SLC7A6: variants seen among roughly 807,000 people sequenced by gnomAD.
SLC7A6 encodes the protein Y+L amino acid transporter 2.
A neutral mutation model predicts 46.6 loss-of-function variants in SLC7A6; 29 were observed. The ratio of observed to expected loss-of-function variants is 0.62; its 90% CI spans 0.46 to 0.85. The LOEUF is 0.85. SLC7A6 is among the 40% of genes least tolerant of loss of function. The pLI is 0.00. For missense variants in SLC7A6, 527 were observed against 647.6 expected, an observed-to-expected ratio of 0.81 and a Z score of 2.02; for synonymous variants, 276 against 257.3, an observed-to-expected ratio of 1.07 and a Z score of -0.70.
At chr16:68,275,278 T>C (rs756480078) in intron 3 of SLC7A6, 29 bp downstream of exon 3, 1 of 1,388,600 alleles carries the variant, frequency 7.2e-7, no homozygotes, top group Non-Finnish European at 9.9e-7. Context: ...TGGGAGGATG[T>C]TGGGGGGTGG....
rs2043043193 is a variant in SLC7A6, at chr16:68,291,195, ACTTGTCCT to A, written c.795-13_795-6del. The A allele has an allele frequency of 6.2e-7, 1 of 1,614,016 alleles. No individual in the cohort carries two copies. Among genetic ancestry groups the A allele is most frequent in the Non-Finnish European group, 8.5e-7 (1 of 1,180,012 alleles). On this transcript the variant is annotated splice_polypyrimidine_tract_variant and splice_region_variant and intron_variant, in intron 5 of 10. Transcript: ENST00000219343. Reference sequence around the variant, plus strand: ...GGTTGGTTCTAGGTAGTCCTTTCTCACTTGTCCTGACAGAAATTTGCCCTTGGCCATTG... The same window carrying A: ...GGTTGGTTCTAGGTAGTCCTTTCTCAGACAGAAATTTGCCCTTGGCCATTG...
rs2043278579 is a variant in SLC7A6 at position 68,301,658 on chromosome 16, T to TC, written c.*4332dup. ...GTGGAGTATTTTGTCACTTCTCCCC[T>TC]CCGTATAGGATTTTTTGTTGTTGTA... On this transcript the variant is annotated 3_prime_UTR_variant, in exon 11 of 11. Transcript: ENST00000219343. 3.2e-6 allele frequency: 1 copy of TC among 309,776 alleles called. No individual in the cohort carries two copies. The highest frequency in any genetic ancestry group is 2.2e-5 in the African/African-American group (1 of 46,234). 19.2% of individuals were successfully genotyped at this position (309,776 alleles called of 1,614,324 possible).
Position 68,300,988 on chromosome 16 carries a change from C to T in SLC7A6, c.*3660C>T. The T allele has an allele frequency of 9.5e-7, 1 of 1,050,748 alleles. No homozygotes were observed. Among genetic ancestry groups the T allele is most frequent in the Non-Finnish European group, 1.1e-6 (1 of 872,956 alleles). The allele number at this position is 1,050,748 out of a possible 1,614,324, so 65.1% of individuals were successfully genotyped here. A position where few individuals can be genotyped will look rare whatever the true frequency, so the allele number is the denominator to read the frequency against. ...CTGAATGCCAGGAAAAATTCCTGGG[C>T]CAAGAAGCTAAAGCTAAAGAAACCT... is the stretch of plus-strand genomic sequence containing the variant. On this transcript the variant is annotated 3_prime_UTR_variant, in exon 11 of 11. Transcript: ENST00000219343.
Position 68,287,870 on chromosome 16 carries a change from G to A in SLC7A6, c.648G>A (p.Gln216=), listed in dbSNP as rs948843847. 1.9e-6 allele frequency: 3 copies of A among 1,613,678 alleles called. No individual in the cohort carries two copies. Among genetic ancestry groups the A allele is most frequent in the Non-Finnish European group, 2.5e-6 (3 of 1,179,698 alleles). The change falls in exon 4 of 11, where the codon CAG becomes CAA. Residue 216 remains glutamine, a splice_region_variant and synonymous_variant. Coordinates refer to ENST00000219343, the MANE Select transcript of SLC7A6 (RefSeq NM_003983.6). ...TCATGGGCCTTGTTAAACTGTGCCA[G>A]GGTAAGTGGTGGGAAGGGGGGTACC... ...IIVMGLVKLC[Q]GHSEHFQDAF...
intron 3 of SLC7A6, among the ~76,000 whole-genome samples, chr16:68,282,169 C>G (rs979680739): frequency 6.6e-6 from 1 of 152,136 alleles, no homozygotes; most frequent in Admixed American, 6.5e-5. Flanking sequence ...GAGAGTGATA[C>G]GGGGCTAGGG....
chr16:68,286,172 C>T (rs2042928560), intron 3 of SLC7A6, among the ~76,000 whole-genome samples: 2 of 150,622 alleles, frequency 1.3e-5, no homozygotes, highest in African/African-American at 2.4e-5. Flanking sequence ...AATTTGTGAT[C>T]TTGGGAGAAG....
chr16:68,282,037 T>C (rs1674094556), intron 3 of SLC7A6, among the ~76,000 whole-genome samples: 1 of 152,212 alleles, frequency 6.6e-6, no homozygotes, highest in African/African-American at 2.4e-5. Flanking sequence ...GTATGATCCC[T>C]GAGTATCCAT....
intron 7 of SLC7A6, among the ~76,000 whole-genome samples, chr16:68,293,703 G>T (rs529922175): frequency 6.6e-6 from 1 of 152,256 alleles, no homozygotes; most frequent in South Asian, 2.1e-4. Context: ...AAGAGGCCAC[G>T]CTCTTTCATA....
At chr16:68,286,144 C>T (rs990294413) in intron 3 of SLC7A6, among the ~76,000 whole-genome samples, 1 of 145,800 alleles carries the variant, frequency 6.9e-6, no homozygotes, top group East Asian at 2.1e-4. Flanking sequence ...AAATGATATA[C>T]TGCTGTTACC....
intron 3 of SLC7A6, among the ~76,000 whole-genome samples, chr16:68,284,007 T>A (rs556998987): frequency 6.6e-6 from 1 of 152,208 alleles, no homozygotes; most frequent in East Asian, 1.9e-4. Context: ...CTTGACAGAC[T>A]GTTCTAGGAG....
chr16:68,271,672 C>A (rs559831364), intron 2 of SLC7A6, among the ~76,000 whole-genome samples: 3 of 152,288 alleles, frequency 2.0e-5, no homozygotes, highest in Non-Finnish European at 4.4e-5. Context: ...GCCAAGCCAG[C>A]CTGGGACTTA....
intron 3 of SLC7A6, among the ~76,000 whole-genome samples, chr16:68,278,748 C>T (rs1433596743): frequency 6.6e-6 from 1 of 152,250 alleles, no homozygotes; most frequent in Non-Finnish European, 1.5e-5. Flanking sequence ...ATTTCGCTAT[C>T]TTTTCCCCAC....
At position 68,301,544 on chromosome 16, in the gene SLC7A6, G is replaced by A. The variant is rs766006182; in HGVS notation, c.*4216G>A. 9.4e-6 allele frequency: 6 copies of A among 635,024 alleles called. No homozygotes were observed. Among genetic ancestry groups the A allele is most frequent in the African/African-American group, 1.9e-5 (1 of 52,574 alleles). 39.3% of individuals were successfully genotyped at this position (635,024 alleles called of 1,614,324 possible). A position where few individuals can be genotyped will look rare whatever the true frequency, so the allele number is the denominator to read the frequency against. ...TGCTCAATAAATAAAAAAGAATATA[G>A]AATTCTTTTTTTTTTAAAGAAGGAA... On this transcript the variant is annotated 3_prime_UTR_variant, in exon 11 of 11. Coordinates refer to ENST00000219343, the MANE Select transcript of SLC7A6 (RefSeq NM_003983.6).
At position 68,274,896 on chromosome 16, in the gene SLC7A6, A is replaced by G; in HGVS notation, c.170A>G (p.Asn57Ser). 1 of 1,614,188 alleles carries G rather than the reference A, an allele frequency of 6.2e-7. No individual in the cohort carries two copies. The highest frequency in any genetic ancestry group is 8.5e-7 in the Non-Finnish European group (1 of 1,180,024). ...LLNGVSLVVGNMIGSGIFVSP... is the reference protein window; with the variant it reads ...LLNGVSLVVGSMIGSGIFVSP... The stretch of plus-strand genomic sequence containing the variant: ...AATGGGGTCAGCCTGGTGGTGGGCA[A>G]CATGATCGGCTCAGGGATCTTTGTC... The change falls in exon 3 of 11, where the codon AAC (asparagine) becomes AGC (serine). Residue 57 changes from asparagine to serine, a missense_variant. By Grantham distance (46) the Asn-to-Ser change is conservative. Transcript: ENST00000219343.
intron 8 of SLC7A6, 27 bp downstream of exon 8, chr16:68,294,828 C>A: frequency 6.6e-7 from 1 of 1,507,740 alleles, no homozygotes; most frequent in Non-Finnish European, 9.2e-7. Flanking sequence ...CCACGGGGCT[C>A]AGGTGGATCT....
At chr16:68,294,413 G>C (rs1260221419) in intron 7 of SLC7A6, among the ~76,000 whole-genome samples, 4 of 152,184 alleles carry the variant, frequency 2.6e-5, no homozygotes, top group African/African-American at 9.7e-5. Context: ...TGAGGCATCT[G>C]TTGGATGTTG....
At chr16:68,291,459 G>T (rs2043047700) in intron 6 of SLC7A6, 99 bp from the exon 7 acceptor site, 5 of 1,574,520 alleles carry the variant, frequency 3.2e-6, no homozygotes, top group Non-Finnish European at 4.3e-6. Context: ...GCCAGAGGGT[G>T]GGCTGCTTAG....
At chr16:68,294,590 G>A (rs753775956) in intron 7 of SLC7A6, 115 bp from the exon 8 acceptor site, 14 of 744,750 alleles carry the variant, frequency 1.9e-5, no homozygotes, top group Non-Finnish European at 3.1e-5. Context: ...ATGCTCCTGG[G>A]AGGCTGCATC....
chr16:68,301,462 A>AAAATTTCCTAG lies in SLC7A6; in HGVS notation c.*4134_*4135insAAATTTCCTAG. On this transcript the variant is annotated 3_prime_UTR_variant, in exon 11 of 11. Coordinates refer to ENST00000219343, the MANE Select transcript of SLC7A6 (RefSeq NM_003983.6). ...TGTGATTTTCCTAGGCTACTGCAGGAGCCCCTTCTCTTCTCAGAAAGGTCT... is the reference window on the plus strand; with the variant it reads ...TGTGATTTTCCTAGGCTACTGCAGGAAAATTTCCTAGGCCCCTTCTCTTCTCAGAAAGGTCT... The AAAATTTCCTAG allele has an allele frequency of 6.6e-7, 1 of 1,523,670 alleles. No individual in the cohort carries two copies. Among genetic ancestry groups the AAAATTTCCTAG allele is most frequent in the South Asian group, 1.2e-5 (1 of 85,266 alleles). 94.4% of individuals were successfully genotyped at this position (1,523,670 alleles called of 1,614,324 possible).
Sources: allele counts gnomAD v4.1 joint callset (sites outside exome capture counted in the v4.1 genomes callset), GRCh38; gene constraint gnomAD v4.1.1; transcripts MANE v1.5; gene names NCBI Gene and HGNC (gene_info 2026-07-23, HGNC 2026-07-21).